The following SYDE1 variants were observed in gnomAD, a reference collection of about 807,000 sequenced individuals.
SYDE1 encodes synapse defective Rho GTPase activating protein 1.
A neutral mutation model predicts 63.3 loss-of-function variants in SYDE1; 34 were observed. That is an observed-to-expected ratio of 0.54 (90% CI 0.41 to 0.71). SYDE1 has a LOEUF of 0.71. Ranked by LOEUF, SYDE1 falls within the 30% of genes least tolerant of loss-of-function variation. SYDE1 has a pLI of 0.00. For synonymous variants in SYDE1, 467 were observed against 473.4 expected, an observed-to-expected ratio of 0.99 and a Z score of 0.18; for missense variants, 925 against 1,042.5, an observed-to-expected ratio of 0.89 and a Z score of 1.55.
chr19:15,109,491 C>G lies in SYDE1; in HGVS notation c.430+94C>G. On this transcript the variant is annotated intron_variant, in intron 2 of 7. Coordinates refer to ENST00000342784, the MANE Select transcript of SYDE1 (RefSeq NM_033025.6). The surrounding 1 kb of genome is among the most constrained non-coding windows in gnomAD (Gnocchi z 5.0). ...GCACCAGCCTCACACTCCCTCCTCC[C>G]AGAGGAGCACCAACCTCACACTCCT... 4 of 1,361,190 alleles carry G rather than the reference C, an allele frequency of 2.9e-6. No homozygotes were observed. The highest frequency in any genetic ancestry group is 3.9e-6 in the Non-Finnish European group (4 of 1,019,582). 84.3% of individuals were successfully genotyped at this position (1,361,190 alleles called of 1,614,324 possible). A position where few individuals can be genotyped will look rare whatever the true frequency, so the allele number is the denominator to read the frequency against.
rs1407384297 is a variant in SYDE1, at chr19:15,113,954, G to A, written c.2199G>A (p.Val733=). The change falls in exon 8 of 8, where the codon GTG becomes GTA. Residue 733 remains valine, a synonymous_variant. Transcript: ENST00000342784. ...LERELSKQIN[V]CL Reference sequence around the variant, plus strand: ...GAGAGCTCTCCAAGCAAATCAACGTGTGCCTCTGAGCCAGATGACGGGGTG... The same window carrying A: ...GAGAGCTCTCCAAGCAAATCAACGTATGCCTCTGAGCCAGATGACGGGGTG... 1.2e-6 allele frequency: 2 copies of A among 1,611,776 alleles called. No homozygotes were observed. Among genetic ancestry groups the A allele is most frequent in the South Asian group, 1.1e-5 (1 of 91,040 alleles).
intron 7 of SYDE1, 44 bp from the exon 8 acceptor site, chr19:15,113,516 G>A (rs751443858): frequency 1.3e-6 from 2 of 1,503,920 alleles, no homozygotes; most frequent in Non-Finnish European, 1.8e-6. Flanking sequence ...CCAATCAGAG[G>A]TCGGCTGTCG....
chr19:15,111,290 T>G lies in SYDE1; in HGVS notation c.1291-23T>G, dbSNP rs764267662. 6.2e-7 allele frequency: 1 copy of G among 1,613,386 alleles called. No individual in the cohort carries two copies. Among genetic ancestry groups the G allele is most frequent in the Non-Finnish European group, 8.5e-7 (1 of 1,179,566 alleles). On this transcript the variant is annotated intron_variant, in intron 4 of 7. Coordinates refer to ENST00000342784, the MANE Select transcript of SYDE1 (RefSeq NM_033025.6). The surrounding 1 kb of genome is among the most constrained non-coding windows in gnomAD (Gnocchi z 5.5). ...GTCTGTGGCCCCGGCAAGAAGACAT[T>G]CACTCTCTCTTCCCACCCCCAGGTA...
Position 15,111,720 on chromosome 19 carries a change from C to A in SYDE1, c.1506C>A (p.Asp502Glu), listed in dbSNP as rs1255861915. The A allele has an allele frequency of 3.7e-6, 6 of 1,603,524 alleles. No individual in the cohort carries two copies. Among genetic ancestry groups the A allele is most frequent in the Non-Finnish European group, 5.1e-6 (6 of 1,171,616 alleles). ...TGGTACTGGAGGCCATGGCCCGGGACCCCCCAAACAGAGTTCCCCCCACCA... is the reference window on the plus strand; with the variant it reads ...TGGTACTGGAGGCCATGGCCCGGGAACCCCCAAACAGAGTTCCCCCCACCA... ...YKVVLEAMAR[D>E]PPNRVPPTTE... The change falls in exon 6 of 8, where the codon GAC becomes GAA. Residue 502 changes from aspartate to glutamate, a missense_variant. This residue lies in a region of SYDE1 where 71 missense variants were observed against 132.8 expected (regional missense o/e 0.53). Coordinates refer to ENST00000342784, the MANE Select transcript of SYDE1 (RefSeq NM_033025.6). The surrounding 1 kb of genome is among the most constrained non-coding windows in gnomAD (Gnocchi z 5.5).
In SYDE1 at chr19:15,110,661, C is replaced by T. The variant is rs774119676; in HGVS notation, c.1216C>T (p.Arg406Trp). 21 of 1,585,780 alleles carry T rather than the reference C, an allele frequency of 1.3e-5. No individual in the cohort carries two copies. The highest frequency in any genetic ancestry group is 4.6e-5 in the East Asian group (2 of 43,410). Residue 406 changes from arginine to tryptophan, a missense_variant, in exon 4 of 8, where the codon CGG becomes TGG. Arg to Trp is a moderately radical substitution (Grantham distance 101, BLOSUM62 -3). Around this residue, in one of 3 missense-constraint regions of SYDE1, gnomAD observed 599 missense variants for 653.7 expected, o/e 0.92. Transcript: ENST00000342784. The surrounding 1 kb of genome is among the most constrained non-coding windows in gnomAD (Gnocchi z 6.9). The part of the protein sequence containing the change: ...FGLPLPLLVE[R>W]ERPPGQVPLI... ...GCTGCCCCTGCCACTGCTGGTGGAGCGGGAGCGGCCCCCCGGCCAGGTGCC... is the reference window on the plus strand; with the variant it reads ...GCTGCCCCTGCCACTGCTGGTGGAGTGGGAGCGGCCCCCCGGCCAGGTGCC...
rs1375901763 is a variant in SYDE1, at chr19:15,114,631, C to CT, written c.*668_*669insT. 1 of 144,480 alleles carries CT rather than the reference C, an allele frequency of 6.9e-6. No individual in the cohort carries two copies. The highest frequency in any genetic ancestry group is 6.9e-5 in the Admixed American group (1 of 14,510). 8.9% of individuals were successfully genotyped at this position (144,480 alleles called of 1,614,324 possible). ...CCATCTCCTTGCCCCCCCCTTGCCCCCCCCCCCGAAAAAAATTGAGCACTT... is the reference window on the plus strand; with the variant it reads ...CCATCTCCTTGCCCCCCCCTTGCCCCTCCCCCCCGAAAAAAATTGAGCACTT... On this transcript the variant is annotated 3_prime_UTR_variant, in exon 8 of 8. Coordinates refer to ENST00000342784, the MANE Select transcript of SYDE1 (RefSeq NM_033025.6).
Position 15,109,620 on chromosome 19 carries a change from A to G in SYDE1, c.431-84A>G, listed in dbSNP as rs889885960. 8 of 927,824 alleles carry G rather than the reference A, an allele frequency of 8.6e-6. No homozygotes were observed. The highest frequency in any genetic ancestry group is 1.2e-5 in the Non-Finnish European group (8 of 640,140). The allele number at this position is 927,824 out of a possible 1,614,324, so 57.5% of individuals were successfully genotyped here. A position where few individuals can be genotyped will look rare whatever the true frequency, so the allele number is the denominator to read the frequency against. On this transcript the variant is annotated intron_variant, in intron 2 of 7. Transcript: ENST00000342784. The surrounding 1 kb of genome is among the most constrained non-coding windows in gnomAD (Gnocchi z 5.0). ...CCCGCCAGGGGAACACCAGCCTCACACTCCTTCCCTTCAGGGGAGCACCAG... is the reference window on the plus strand; with the variant it reads ...CCCGCCAGGGGAACACCAGCCTCACGCTCCTTCCCTTCAGGGGAGCACCAG...
At chr19:15,112,622 G>C (rs764144557) in intron 7 of SYDE1, 51 bp downstream of exon 7, 1 of 1,449,286 alleles carries the variant, frequency 6.9e-7, no homozygotes, top group South Asian at 1.3e-5. Flanking sequence ...GGCTGCTACA[G>C]TGATGCCACC....
Position 15,109,908 on chromosome 19 carries a change from G to T in SYDE1, c.635G>T (p.Gly212Val). ...TACCACCTGGACAGCAGCGTGGGGG[G>T]CCCCGGGCCGGCAGCAGGGCCTGGG... Reference protein sequence around the residue: ...SRYHLDSSVGGPGPAAGPGGT... With the variant: ...SRYHLDSSVGVPGPAAGPGGT... The change falls in exon 3 of 8, where the codon GGC (glycine) becomes GTC (valine). Residue 212 changes from glycine to valine, a missense_variant. Physicochemically the swap from Gly to Val is moderately radical, Grantham distance 109 (BLOSUM62 -3). This residue lies in a region of SYDE1 where 599 missense variants were observed against 653.7 expected (regional missense o/e 0.92). Transcript: ENST00000342784. This position sits in a 1 kb window ranked among gnomAD's most constrained non-coding sequence, Gnocchi z 5.0. The T allele has an allele frequency of 6.8e-7, 1 of 1,466,252 alleles. No individual in the cohort carries two copies. Among genetic ancestry groups the T allele is most frequent in the Non-Finnish European group, 9.0e-7 (1 of 1,115,312 alleles). The allele number at this position is 1,466,252 out of a possible 1,614,324, so 90.8% of individuals were successfully genotyped here.
At position 15,109,002 on chromosome 19, in the gene SYDE1, G is replaced by T; in HGVS notation, c.89-54G>T. 1 of 1,443,784 alleles carries T rather than the reference G, an allele frequency of 6.9e-7. No homozygotes were observed. Among genetic ancestry groups the T allele is most frequent in the Non-Finnish European group, 9.1e-7 (1 of 1,104,830 alleles). 89.4% of individuals were successfully genotyped at this position (1,443,784 alleles called of 1,614,324 possible). A position where few individuals can be genotyped will look rare whatever the true frequency, so the allele number is the denominator to read the frequency against. On this transcript the variant is annotated intron_variant, in intron 1 of 7. Transcript: ENST00000342784. The surrounding 1 kb of genome is among the most constrained non-coding windows in gnomAD (Gnocchi z 5.0). ...ACCCACTGATCAATTGCACAGGGCT[G>T]CTCTGCAGGCAGTGAGGGGCTGGGT...
rs772069865 is a variant in SYDE1 at position 15,112,406 on chromosome 19, C to T, written c.1639C>T (p.Arg547Cys). The change falls in exon 7 of 8, where the codon CGC (arginine) becomes TGC (cysteine). Residue 547 changes from arginine to cysteine, a missense_variant. Physicochemically the swap from Arg to Cys is radical, Grantham distance 180. Coordinates refer to ENST00000342784, the MANE Select transcript of SYDE1 (RefSeq NM_033025.6). ...CGTCTCCTCCTTCCATGCCTACAAC[C>T]GCATGACCCCACAGAACTTGGCCGT... ...RLVSSFHAYN[R>C]MTPQNLAVCF... is the part of the protein sequence containing the mutation. 29 of 1,599,370 alleles carry T rather than the reference C, an allele frequency of 1.8e-5. No individual in the cohort carries two copies. In the East Asian group the frequency reaches 2.3e-4, roughly 12 times the overall value.
rs2046324412 is a variant in SYDE1 at position 15,109,145 on chromosome 19, A to C, written c.178A>C (p.Ser60Arg). Reference sequence around the variant, plus strand: ...CCAGGCCGGAGCAGAGGGGCCCTCCAGCCCCGAGGCATCAAGGAGCCCTGC... The same window carrying C: ...CCAGGCCGGAGCAGAGGGGCCCTCCCGCCCCGAGGCATCAAGGAGCCCTGC... Reference protein sequence around the residue: ...GSQAGAEGPSSPEASRSPARG... With the variant: ...GSQAGAEGPSRPEASRSPARG... Residue 60 changes from serine (S) to arginine (R), a missense_variant, in exon 2 of 8, where the codon AGC (serine) becomes CGC (arginine). Transcript: ENST00000342784. The surrounding 1 kb of genome is among the most constrained non-coding windows in gnomAD (Gnocchi z 5.0). 1.3e-6 allele frequency: 2 copies of C among 1,551,388 alleles called. No homozygotes were observed. The highest frequency in any genetic ancestry group is 1.7e-6 in the Non-Finnish European group (2 of 1,147,062).
chr19:15,107,545 A>C, intron 1 of SYDE1, 24 bp downstream of exon 1: 2 of 1,518,156 alleles, frequency 1.3e-6, no homozygotes, highest in South Asian at 1.2e-5. Flanking sequence ...GGTGGGGAAC[A>C]GGGGGCGCCG....
chr19:15,109,363 T>G lies in SYDE1; in HGVS notation c.396T>G (p.Pro132=), dbSNP rs1374647360. 1 of 1,577,510 alleles carries G rather than the reference T, an allele frequency of 6.3e-7. No individual in the cohort carries two copies. The highest frequency in any genetic ancestry group is 8.6e-7 in the Non-Finnish European group (1 of 1,160,966). The change falls in exon 2 of 8, where the codon CCT becomes CCG. Residue 132 remains proline (P), a synonymous_variant. Coordinates refer to ENST00000342784, the MANE Select transcript of SYDE1 (RefSeq NM_033025.6). The surrounding 1 kb of genome is among the most constrained non-coding windows in gnomAD (Gnocchi z 5.0). Reference sequence around the variant, plus strand: ...CACCTGAGCCCCCGGGGCCACAGCCTGGCTCAGCTGAGTCAGAGGGCCTGG... The same window carrying G: ...CACCTGAGCCCCCGGGGCCACAGCCGGGCTCAGCTGAGTCAGAGGGCCTGG... The part of the protein sequence containing the change: ...PPAPEPPGPQ[P]GSAESEGLAP...
In SYDE1 at chr19:15,108,409, G is replaced by A. The variant is rs959056484; in HGVS notation, c.89-647G>A. On this transcript the variant is annotated intron_variant, in intron 1 of 7. Coordinates refer to ENST00000342784, the MANE Select transcript of SYDE1 (RefSeq NM_033025.6). This position sits in a 1 kb window ranked among gnomAD's most constrained non-coding sequence, Gnocchi z 4.3. ...ATGAGACAGGAGAGGAGGGAGGGAAGGGGAAGTCCCAAAGCATTGAGCGTG... is the reference window on the plus strand; with the variant it reads ...ATGAGACAGGAGAGGAGGGAGGGAAAGGGAAGTCCCAAAGCATTGAGCGTG... 2.0e-5 allele frequency among the ~76,000 whole-genome samples: 3 copies of A among 152,140 alleles called. No homozygotes were observed. The highest frequency in any genetic ancestry group is 7.2e-5 in the African/African-American group (3 of 41,432).
chr19:15,111,278 G>T lies in SYDE1; in HGVS notation c.1291-35G>T. ...GGGCCCTGATTAGTCTGTGGCCCCG[G>T]CAAGAAGACATTCACTCTCTCTTCC... On this transcript the variant is annotated intron_variant, in intron 4 of 7. Transcript: ENST00000342784. The surrounding 1 kb of genome is among the most constrained non-coding windows in gnomAD (Gnocchi z 5.5). 6.2e-7 allele frequency: 1 copy of T among 1,611,994 alleles called. No individual in the cohort carries two copies. Among genetic ancestry groups the T allele is most frequent in the Non-Finnish European group, 8.5e-7 (1 of 1,178,584 alleles).
chr19:15,109,072 C>G lies in SYDE1; in HGVS notation c.105C>G (p.Arg35=), dbSNP rs369642661. 33 of 1,509,860 alleles carry G rather than the reference C, an allele frequency of 2.2e-5. No homozygotes were observed. In the African/African-American group the frequency reaches 3.8e-4, roughly 17 times the overall value. 93.5% of individuals were successfully genotyped at this position (1,509,860 alleles called of 1,614,324 possible). A position where few individuals can be genotyped will look rare whatever the true frequency, so the allele number is the denominator to read the frequency against. ...DAKERGHPAQ[R]PEPSPPEPEP... ...CTCTGCCAGGCCACCCAGCCCAGCG[C>G]CCAGAGCCCAGCCCTCCAGAGCCAG... is the stretch of plus-strand genomic sequence containing the variant. The change falls in exon 2 of 8, where the codon CGC becomes CGG. Residue 35 remains arginine, a synonymous_variant. Transcript: ENST00000342784. The surrounding 1 kb of genome is among the most constrained non-coding windows in gnomAD (Gnocchi z 5.0).
In SYDE1 at chr19:15,110,006, C is replaced by T. The variant is rs1227625856; in HGVS notation, c.733C>T (p.Pro245Ser). Reference sequence around the variant, plus strand: ...GGAGCGCCCAGCTGGGCCCCCATCACCCACCTCCTTCCGGCCCTACGAGGT... The same window carrying T: ...GGAGCGCCCAGCTGGGCCCCCATCATCCACCTCCTTCCGGCCCTACGAGGT... ...SPERPAGPPS[P>S]TSFRPYEVGP... Residue 245 changes from proline (P) to serine (S), a missense_variant, in exon 3 of 8, where the codon CCC becomes TCC. Pro to Ser is a moderately conservative substitution (Grantham distance 74). Transcript: ENST00000342784. This position sits in a 1 kb window ranked among gnomAD's most constrained non-coding sequence, Gnocchi z 6.9. The T allele has an allele frequency of 1.3e-6, 2 of 1,499,858 alleles. No homozygotes were observed. Among genetic ancestry groups the T allele is most frequent in the Non-Finnish European group, 1.8e-6 (2 of 1,132,938 alleles). 92.9% of individuals were successfully genotyped at this position (1,499,858 alleles called of 1,614,324 possible).
chr19:15,109,928 C>A lies in SYDE1; in HGVS notation c.655C>A (p.Pro219Thr). ...SVGGPGPAAG[P>T]GGTRSPRAGY... The stretch of plus-strand genomic sequence containing the variant: ...GGGGGGCCCCGGGCCGGCAGCAGGG[C>A]CTGGGGGCACCCGGAGCCCGAGGGC... The change falls in exon 3 of 8, where the codon CCT becomes ACT. Residue 219 changes from proline to threonine, a missense_variant. Physicochemically the swap from Pro to Thr is conservative, Grantham distance 38 (BLOSUM62 -1). This residue lies in a region of SYDE1 where 599 missense variants were observed against 653.7 expected (regional missense o/e 0.92). Coordinates refer to ENST00000342784, the MANE Select transcript of SYDE1 (RefSeq NM_033025.6). This position sits in a 1 kb window ranked among gnomAD's most constrained non-coding sequence, Gnocchi z 5.0. 1 of 1,460,410 alleles carries A rather than the reference C, an allele frequency of 6.8e-7. No individual in the cohort carries two copies. 90.5% of individuals were successfully genotyped at this position (1,460,410 alleles called of 1,614,324 possible). A position where few individuals can be genotyped will look rare whatever the true frequency, so the allele number is the denominator to read the frequency against.
Sources: allele counts gnomAD v4.1 joint callset (sites outside exome capture counted in the v4.1 genomes callset), GRCh38; gene constraint gnomAD v4.1.1; regional missense constraint gnomAD v4.1.1; non-coding constraint Gnocchi (gnomAD v3.1); transcripts MANE v1.5; gene names NCBI Gene and HGNC (gene_info 2026-07-23, HGNC 2026-07-21).